The following CHRNA1 variants were observed in gnomAD, a reference collection of about 807,000 sequenced individuals.
The protein encoded by CHRNA1 is cholinergic receptor nicotinic alpha 1 subunit.
Under a neutral mutation model 47.1 loss-of-function variants are expected in CHRNA1, and 35 were observed. The ratio of observed to expected loss-of-function variants is 0.74; its 90% CI spans 0.57 to 0.99. The LOEUF is 0.99. Among genes scored for constraint, CHRNA1 ranks in the 50% least tolerant of loss-of-function variants. The pLI is 0.00. For synonymous variants in CHRNA1, 229 were observed against 223.6 expected (o/e 1.02, Z -0.22); for missense variants, 506 against 591.1 (o/e 0.86, Z 1.49).
rs747224747 is a variant in CHRNA1, at chr2:174,748,692, G to C, written c.1130C>G (p.Pro377Arg). ...GGGAGAGTGGAAGCCCATGGGTGGA[G>C]GCCCTGGCTTTCCAGAAATGTCAGA... ...DISDISGKPG[P>R]PPMGFHSPLI... Residue 377 changes from proline to arginine, a missense_variant, in exon 8 of 9, where the codon CCT becomes CGT. Pro to Arg is a moderately radical substitution (Grantham distance 103, BLOSUM62 -2). Coordinates refer to ENST00000348749, the MANE Select transcript of CHRNA1 (RefSeq NM_000079.4). The C allele has an allele frequency of 2.5e-6, 4 of 1,614,194 alleles. No homozygotes were observed. Among genetic ancestry groups the C allele is most frequent in the Non-Finnish European group, 2.5e-6 (3 of 1,180,040 alleles).
intron 1 of CHRNA1, among the ~76,000 whole-genome samples, chr2:174,762,589 A>G (rs2105354106): frequency 6.6e-6 from 1 of 152,346 alleles, no homozygotes; most frequent in East Asian, 1.9e-4. Context: ...ATTTACGTAA[A>G]TAACTGTGAA....
rs780525012 is a variant in CHRNA1 at position 174,754,434 on chromosome 2, GGAAA to G, written c.345-24_345-21del. 1.6e-4 allele frequency: 265 copies of G among 1,611,578 alleles called. 1 individual carries two copies. In the African/African-American group the frequency reaches 3.3e-3, roughly 20 times the overall value. On this transcript the variant is annotated intron_variant, in intron 4 of 8. Transcript: ENST00000348749. ...TCTGCACTACAATTGGGATAAAAGAGGAAAATGGCTCCAAGTGACAGATGAGCCT... is the reference window on the plus strand; with the variant it reads ...TCTGCACTACAATTGGGATAAAAGAGATGGCTCCAAGTGACAGATGAGCCT...
chr2:174,763,916 A>T (rs891417034), intron 1 of CHRNA1, among the ~76,000 whole-genome samples: 2 of 152,126 alleles, frequency 1.3e-5, no homozygotes, highest in African/African-American at 4.8e-5. Context: ...TTATTATTAG[A>T]ATTCTCCTGG....
chr2:174,764,261 C>T, intron 1 of CHRNA1, 91 bp downstream of exon 1: 1 of 1,357,044 alleles, frequency 7.4e-7, no homozygotes, highest in East Asian at 2.5e-5. Flanking sequence ...ATTCTGTGGT[C>T]TCATCAAAGA....
intron 3 of CHRNA1, among the ~76,000 whole-genome samples, chr2:174,758,358 G>A (rs1226012376): frequency 2.0e-5 from 3 of 152,094 alleles, no homozygotes; most frequent in Non-Finnish European, 4.4e-5. Flanking sequence ...GCAGTGAGCC[G>A]AGATCGCGCC....
In CHRNA1 at chr2:174,748,893, T is replaced by C. The variant is rs375695772; in HGVS notation, c.1003-74A>G. ...AGCATAAAACTCTGTCTTTGAATTA[T>C]CAATGTGATTTGGGGTAAGTCATTC... On this transcript the variant is annotated intron_variant, in intron 7 of 8. Coordinates refer to ENST00000348749, the MANE Select transcript of CHRNA1 (RefSeq NM_000079.4). The C allele has an allele frequency of 2.0e-3, 3,112 of 1,584,242 alleles. 10 individuals are homozygous for C. The highest frequency in any genetic ancestry group is 4.9e-3 in the Middle Eastern group (23 of 4,670).
intron 6 of CHRNA1, 118 bp from the exon 7 acceptor site, chr2:174,750,287 G>T: frequency 1.3e-6 from 1 of 771,970 alleles, no homozygotes; most frequent in Non-Finnish European, 2.2e-6. Flanking sequence ...ACCTAAGAAT[G>T]TGACTGTATT....
At chr2:174,755,861 T>C (rs747302401) in intron 4 of CHRNA1, among the ~76,000 whole-genome samples, 3 of 152,106 alleles carry the variant, frequency 2.0e-5, no homozygotes, top group Non-Finnish European at 4.4e-5. Flanking sequence ...CAGCGAGACC[T>C]CATCTCTACT....
At chr2:174,760,724 T>A (rs1213706669) in intron 1 of CHRNA1, among the ~76,000 whole-genome samples, 1 of 152,166 alleles carries the variant, frequency 6.6e-6, no homozygotes, top group African/African-American at 2.4e-5. Context: ...AAATGGGTAT[T>A]TTACCACGAT....
Position 174,748,262 on chromosome 2 carries a change from G to A in CHRNA1, c.1243-7C>T, listed in dbSNP as rs1683774498. 2 of 1,613,978 alleles carry A rather than the reference G, an allele frequency of 1.2e-6. No individual in the cohort carries two copies. Among genetic ancestry groups the A allele is most frequent in the African/African-American group, 2.7e-5 (2 of 74,924 alleles). ...ACTTCCACTCTGCCGCCGCCTGGGA[G>A]AGAGGAAAATGTTAGACAGAGTCTC... On this transcript the variant is annotated splice_polypyrimidine_tract_variant and splice_region_variant and intron_variant, in intron 8 of 8. Coordinates refer to ENST00000348749, the MANE Select transcript of CHRNA1 (RefSeq NM_000079.4).
intron 7 of CHRNA1, among the ~76,000 whole-genome samples, chr2:174,749,051 T>G (rs998249080): frequency 5.9e-5 from 9 of 152,152 alleles, no homozygotes; most frequent in African/African-American, 2.2e-4. Flanking sequence ...TGTGAGAAGT[T>G]CGCCACTGGA....
At position 174,748,260 on chromosome 2, in the gene CHRNA1, G is replaced by T; in HGVS notation, c.1243-5C>A. 1 of 1,614,094 alleles carries T rather than the reference G, an allele frequency of 6.2e-7. No homozygotes were observed. Among genetic ancestry groups the T allele is most frequent in the South Asian group, 1.1e-5 (1 of 91,076 alleles). ...GTACTTCCACTCTGCCGCCGCCTGG[G>T]AGAGAGGAAAATGTTAGACAGAGTC... On this transcript the variant is annotated splice_polypyrimidine_tract_variant and splice_region_variant and intron_variant, in intron 8 of 8. Transcript: ENST00000348749.
Position 174,764,348 on chromosome 2 carries a change from T to C in CHRNA1, c.43+4A>G, listed in dbSNP as rs550752425. 6.2e-7 allele frequency: 1 copy of C among 1,613,108 alleles called. No homozygotes were observed. The highest frequency in any genetic ancestry group is 1.7e-5 in the Admixed American group (1 of 59,958). On this transcript the variant is annotated splice_donor_region_variant and intron_variant, in intron 1 of 8. Coordinates refer to ENST00000348749, the MANE Select transcript of CHRNA1 (RefSeq NM_000079.4). ...CTCTCCCCACCCCTGACCCCAGCAC[T>C]TACCTGAGCAAAGGCTAAAGAGCAG...
chr2:174,759,405 G>A, intron 2 of CHRNA1, 30 bp from the exon 3 acceptor site: 2 of 1,613,870 alleles, frequency 1.2e-6, no homozygotes, highest in Non-Finnish European at 1.7e-6. Context: ...TCATTTTTAT[G>A]GGGGAGAGAG....
Position 174,759,324 on chromosome 2 carries a change from A to G in CHRNA1, c.234+7T>C, listed in dbSNP as rs1216524707. ...ACGACACACATGCAATTATCTGGCT[A>G]AGTTACCTGTTTCAGACGCACATTG... is the stretch of plus-strand genomic sequence containing the variant. On this transcript the variant is annotated splice_region_variant and intron_variant, in intron 3 of 8. Coordinates refer to ENST00000348749, the MANE Select transcript of CHRNA1 (RefSeq NM_000079.4). 3.1e-6 allele frequency: 5 copies of G among 1,613,990 alleles called. No homozygotes were observed. Among genetic ancestry groups the G allele is most frequent in the Non-Finnish European group, 4.2e-6 (5 of 1,179,864 alleles).
Position 174,747,757 on chromosome 2 carries a change from A to G in CHRNA1, c.*367T>C, listed in dbSNP as rs1683759672. On this transcript the variant is annotated 3_prime_UTR_variant, in exon 9 of 9. Transcript: ENST00000348749. ...TCATTTAGAACATCAGCAACTCCCTAGTGGTCTCGTGGTTAGACAAAATAA... is the reference window on the plus strand; with the variant it reads ...TCATTTAGAACATCAGCAACTCCCTGGTGGTCTCGTGGTTAGACAAAATAA... The G allele has an allele frequency of 3.2e-6, 1 of 310,688 alleles. No homozygotes were observed. Among genetic ancestry groups the G allele is most frequent in the Non-Finnish European group, 6.3e-6 (1 of 159,764 alleles). The allele number at this position is 310,688 out of a possible 1,614,324, so 19.2% of individuals were successfully genotyped here. A position where few individuals can be genotyped will look rare whatever the true frequency, so the allele number is the denominator to read the frequency against.
At position 174,759,855 on chromosome 2, in the gene CHRNA1, C is replaced by T. The variant is rs187848943; in HGVS notation, c.44-222G>A. ...CTTACCCGGTGACAGTGGGGTGTGC[C>T]AGGTAATCACAACGCTTGTACTTTG... On this transcript the variant is annotated intron_variant, in intron 1 of 8. Transcript: ENST00000348749. Among the ~76,000 whole-genome samples the T allele has an allele frequency of 7.9e-5, 12 of 151,624 alleles. No homozygotes were observed. The East Asian group carries it at 2.3e-3, about 29-fold the overall frequency.
chr2:174,753,411 G>T, intron 6 of CHRNA1, 92 bp downstream of exon 6: 1 of 1,268,298 alleles, frequency 7.9e-7, no homozygotes, highest in Non-Finnish European at 1.2e-6. Flanking sequence ...CGATCTGCCT[G>T]TTTGTTAGCA....
chr2:174,757,996 G>T (rs750158465), intron 3 of CHRNA1: 32 of 1,613,464 alleles, frequency 2.0e-5, no homozygotes, highest in Non-Finnish European at 2.6e-5. Context: ...ACGCAGCTGG[G>T]GCGTGGCAGA....
Sources: gnomAD v4.1 joint callset for allele counts (sites outside exome capture counted in the v4.1 genomes callset) on GRCh38, gnomAD v4.1.1 for gene constraint, MANE v1.5 for transcripts, NCBI Gene and HGNC (gene_info 2026-07-23, HGNC 2026-07-21) for gene names.